The following PIK3CB variants were observed in gnomAD, a reference collection of about 807,000 sequenced individuals.
The protein encoded by PIK3CB is phosphatidylinositol-4,5-bisphosphate 3-kinase catalytic subunit beta.
In PIK3CB, 39 loss-of-function variants were observed where a neutral mutation model predicts 136.8. The ratio of observed to expected loss-of-function variants is 0.29; its 90% CI spans 0.22 to 0.37. The LOEUF (loss-of-function observed/expected upper bound fraction) is 0.37. Ranked by LOEUF, PIK3CB falls within the 10% of genes least tolerant of loss-of-function variation. The probability of loss-of-function intolerance (pLI) is 1.00; values close to 1 mark genes in which losing one functional copy is unlikely to be tolerated. For missense variants in PIK3CB, 868 were observed against 1,275.4 expected (o/e 0.68, Z 4.87); for synonymous variants, 428 against 436.6 (o/e 0.98, Z 0.25).
At chr3:138,703,583 T>C (rs2108546395) in intron 12 of PIK3CB, among the ~76,000 whole-genome samples, 1 of 143,058 alleles carries the variant, frequency 7.0e-6, no homozygotes, top group South Asian at 2.1e-4. Flanking sequence ...GATATAGATA[T>C]GTAGATATAG....
chr3:138,749,655 T>C (rs1304646066), intron 4 of PIK3CB, among the ~76,000 whole-genome samples: 1 of 152,192 alleles, frequency 6.6e-6, no homozygotes, highest in African/African-American at 2.4e-5. Flanking sequence ...GAATAGGCCA[T>C]TCTTCACATG....
intron 2 of PIK3CB, among the ~76,000 whole-genome samples, chr3:138,789,717 CG>C (rs2046027011): frequency 6.7e-6 from 1 of 148,402 alleles, no homozygotes; most frequent in South Asian, 2.1e-4. Flanking sequence ...TTTTTGGAGA[CG>C]GAGTCTCTCT....
intron 1 of PIK3CB, among the ~76,000 whole-genome samples, chr3:138,820,233 T>C (rs1028841023): frequency 3.3e-5 from 5 of 152,164 alleles, no homozygotes; most frequent in African/African-American, 9.7e-5. Flanking sequence ...TCCCCTGCTC[T>C]CATTCCTGAA....
intron 4 of PIK3CB, among the ~76,000 whole-genome samples, chr3:138,744,392 C>CAAAAAAAAAAAAAAA (rs60503033): frequency 0.016 from 700 of 45,104 alleles, 324 homozygotes; most frequent in East Asian, 0.036. Flanking sequence ...GAGACTCCCC[C>CAAAAAAAAAAAAAAA]AAAAAAAAAA....
intron 1 of PIK3CB, among the ~76,000 whole-genome samples, chr3:138,812,202 G>A (rs1933101219): frequency 6.6e-6 from 1 of 151,726 alleles, no homozygotes; most frequent in African/African-American, 2.4e-5. Context: ...AAGGGTGGGA[G>A]GGAGGTGACT....
At chr3:138,688,758 A>C in intron 16 of PIK3CB, 117 bp downstream of exon 16, 1 of 632,632 alleles carries the variant, frequency 1.6e-6, no homozygotes, top group South Asian at 2.1e-5. Flanking sequence ...GCATTTGATA[A>C]AACTGATCAA....
At chr3:138,763,121 AGTATGTAT>A (rs111529463) in intron 2 of PIK3CB, among the ~76,000 whole-genome samples, 11 of 149,534 alleles carry the variant, frequency 7.4e-5, no homozygotes, top group South Asian at 2.2e-4. Context: ...AATGAAAGTT[AGTATGTAT>A]GTATGTATGT....
At chr3:138,832,466 C>T (rs901155101) in intron 1 of PIK3CB, among the ~76,000 whole-genome samples, 14 of 151,724 alleles carry the variant, frequency 9.2e-5, no homozygotes, top group African/African-American at 3.4e-4. Flanking sequence ...CCCAGGCTGG[C>T]GGATCATTTG....
chr3:138,825,868 C>A, intron 1 of PIK3CB: 1 of 1,458,932 alleles, frequency 6.9e-7, no homozygotes, highest in Non-Finnish European at 9.4e-7. Flanking sequence ...ACAATGTGGA[C>A]TTCAATGTCA....
At chr3:138,725,303 T>C (rs1206768512) in intron 8 of PIK3CB, among the ~76,000 whole-genome samples, 1 of 152,240 alleles carries the variant, frequency 6.6e-6, no homozygotes, top group Non-Finnish European at 1.5e-5. Context: ...GTATGACTAA[T>C]ACGTGTGATA....
chr3:138,716,827 C>T (rs1576352032), intron 8 of PIK3CB, among the ~76,000 whole-genome samples: 1 of 115,844 alleles, frequency 8.6e-6, no homozygotes, highest in South Asian at 3.1e-4. Context: ...ACCCAGGAGG[C>T]GGGTTGCAGT....
intron 17 of PIK3CB, 63 bp downstream of exon 17, chr3:138,684,562 T>C (rs2043843906): frequency 1.6e-6 from 2 of 1,246,646 alleles, no homozygotes; most frequent in South Asian, 1.6e-5. Flanking sequence ...ACTACTCCCA[T>C]AAGGCAGTGA....
chr3:138,808,952 T>A (rs1200281397), intron 1 of PIK3CB, among the ~76,000 whole-genome samples: 1 of 151,824 alleles, frequency 6.6e-6, no homozygotes, highest in Non-Finnish European at 1.5e-5. Context: ...AAAAGCAAGA[T>A]CTATGAAAAA....
At chr3:138,821,068 C>T (rs557859882) in intron 1 of PIK3CB, among the ~76,000 whole-genome samples, 1 of 151,440 alleles carries the variant, frequency 6.6e-6, no homozygotes, top group Admixed American at 6.6e-5. Context: ...GGGCAGATCA[C>T]GAGGTCAGGA....
At chr3:138,744,792 T>C (rs1016162761) in intron 4 of PIK3CB, among the ~76,000 whole-genome samples, 3 of 152,216 alleles carry the variant, frequency 2.0e-5, no homozygotes, top group African/African-American at 7.2e-5. Context: ...TTTCGGGCAC[T>C]GTTTCTTCTA....
At chr3:138,725,622 T>A (rs1337797875) in intron 8 of PIK3CB, among the ~76,000 whole-genome samples, 26 of 152,240 alleles carry the variant, frequency 1.7e-4, no homozygotes, top group Non-Finnish European at 3.7e-4. Context: ...ATTCTGCTAT[T>A]GGGTCCATTC....
At chr3:138,691,644 T>C (rs1289906313) in intron 14 of PIK3CB, among the ~76,000 whole-genome samples, 3 of 152,162 alleles carry the variant, frequency 2.0e-5, no homozygotes, top group African/African-American at 7.2e-5. Context: ...CTACCATAAT[T>C]TTAAGTTTTG....
chr3:138,806,781 G>A (rs190253248), intron 1 of PIK3CB, among the ~76,000 whole-genome samples: 20 of 152,326 alleles, frequency 1.3e-4, no homozygotes, highest in Non-Finnish European at 2.8e-4. Context: ...TGGGAAATAA[G>A]TCAACTTGCC....
intron 1 of PIK3CB, among the ~76,000 whole-genome samples, chr3:138,810,688 G>A (rs1433450354): frequency 6.6e-6 from 1 of 151,710 alleles, no homozygotes; most frequent in African/African-American, 2.4e-5. Flanking sequence ...GGAGGCCAAG[G>A]TGGATGGATC....
Sources: allele counts gnomAD v4.1 joint callset (sites outside exome capture counted in the v4.1 genomes callset), GRCh38; gene constraint gnomAD v4.1.1; transcripts MANE v1.5; gene names NCBI Gene and HGNC (gene_info 2026-07-23, HGNC 2026-07-21).